The following PHF24 variants were observed in gnomAD, a reference collection of about 807,000 sequenced individuals.
The protein encoded by PHF24 is PHD finger protein 24.
A neutral mutation model predicts 42.6 loss-of-function variants in PHF24; 25 were observed. The observed-to-expected ratio is 0.59, with a 90% CI of 0.43 to 0.82. The LOEUF (loss-of-function observed/expected upper bound fraction) is 0.82, where lower values mean the gene tolerates loss of function less well. Ranked by LOEUF, PHF24 falls within the 40% of genes least tolerant of loss-of-function variation. The probability of loss-of-function intolerance (pLI) is 0.00; values close to 1 mark genes in which losing one functional copy is unlikely to be tolerated. For missense variants in PHF24, 470 were observed against 538.1 expected (o/e 0.87, Z 1.25); for synonymous variants, 185 against 204.8 (o/e 0.90, Z 0.83).
At chr9:34,911,952 C>T in the PHF24 span, among the ~76,000 whole-genome samples, 140,066 of 152,284 alleles carry the variant, frequency 0.92, 64,435 homozygotes, top group Middle Eastern at 0.95. Flanking sequence ...CAACCTGAGT[C>T]GGGGAACTAT....
the PHF24 span, among the ~76,000 whole-genome samples, chr9:34,931,809 A>T: frequency 1.3e-5 from 2 of 152,156 alleles, no homozygotes; most frequent in Non-Finnish European, 2.9e-5. Flanking sequence ...TCTTTATGGC[A>T]ATGTGAGAAT....
chr9:34,776,742 T>C, the PHF24 span, among the ~76,000 whole-genome samples: 1 of 152,268 alleles, frequency 6.6e-6, no homozygotes, highest in Non-Finnish European at 1.5e-5. Flanking sequence ...TTGAATTCCT[T>C]TGGAGGTGTA....
At chr9:34,744,693 G>A in the PHF24 span, among the ~76,000 whole-genome samples, 3 of 152,184 alleles carry the variant, frequency 2.0e-5, no homozygotes, top group Non-Finnish European at 4.4e-5. Context: ...ACATATGCTG[G>A]AAATTGTGCA....
chr9:34,976,949 G>A (rs112735645), intron 5 of PHF24, 134 bp from the exon 6 acceptor site: 15,245 of 1,067,266 alleles, frequency 0.014, 178 homozygotes, highest in Middle Eastern at 0.035. Flanking sequence ...CGCACTGGAA[G>A]TGCTGATGCC....
chr9:34,726,722 G>A, the PHF24 span: 1 of 1,551,690 alleles, frequency 6.4e-7, no homozygotes, highest in Non-Finnish European at 8.7e-7. Context: ...TGTTAATTGT[G>A]ACAGTGTTGG....
At chr9:34,709,493 T>C in the PHF24 span, 20 of 1,613,900 alleles carry the variant, frequency 1.2e-5, no homozygotes, top group Non-Finnish European at 1.7e-5. Context: ...TCCCTCAGAT[T>C]CCTCACCTCT....
At chr9:34,914,991 A>C in the PHF24 span, among the ~76,000 whole-genome samples, 1 of 118,882 alleles carries the variant, frequency 8.4e-6, no homozygotes, top group Non-Finnish European at 1.8e-5. Context: ...AGGTCTCACC[A>C]TATTGCCCAG....
chr9:34,956,498 T>C (rs1261845103), upstream of PHF24, among the ~76,000 whole-genome samples: 1 of 152,214 alleles, frequency 6.6e-6, no homozygotes, highest in Non-Finnish European at 1.5e-5. Flanking sequence ...GTGACTCACC[T>C]GCCTCGGCCT....
the PHF24 span, among the ~76,000 whole-genome samples, chr9:34,914,133 T>C: frequency 1.3e-5 from 2 of 152,336 alleles, no homozygotes; most frequent in African/African-American, 2.4e-5. Context: ...TTGTTGACAA[T>C]TTTTATTTAC....
At chr9:34,834,484 G>A in the PHF24 span, 1 of 1,551,808 alleles carries the variant, frequency 6.4e-7, no homozygotes, top group African/African-American at 1.4e-5. Flanking sequence ...TCTGAGGCAG[G>A]CCCCAGCGAT....
At chr9:34,975,010 G>A (rs893334747) in intron 3 of PHF24, among the ~76,000 whole-genome samples, 1 of 151,976 alleles carries the variant, frequency 6.6e-6, no homozygotes, top group Non-Finnish European at 1.5e-5. Flanking sequence ...TTTCTTGCCT[G>A]GACTGTTGCG....
At chr9:34,754,246 C>T in the PHF24 span, among the ~76,000 whole-genome samples, 1 of 152,144 alleles carries the variant, frequency 6.6e-6, no homozygotes, top group East Asian at 1.9e-4. Context: ...TGTTTACAAA[C>T]GATCTCTCTG....
chr9:34,675,757 T>C, the PHF24 span, among the ~76,000 whole-genome samples: 1 of 152,056 alleles, frequency 6.6e-6, no homozygotes, highest in African/African-American at 2.4e-5. Context: ...CTGAGCTTGC[T>C]TGGGAGAAGC....
At chr9:34,704,895 TGAG>T in the PHF24 span, among the ~76,000 whole-genome samples, 2 of 152,194 alleles carry the variant, frequency 1.3e-5, no homozygotes, top group African/African-American at 4.8e-5. Flanking sequence ...TGGATGACAC[TGAG>T]GAGGACTCAT....
At chr9:34,892,248 G>T in the PHF24 span, among the ~76,000 whole-genome samples, 1 of 152,184 alleles carries the variant, frequency 6.6e-6, no homozygotes, top group African/African-American at 2.4e-5. Context: ...TAATTTTTCT[G>T]CTCTGAGTCC....
the PHF24 span, chr9:34,917,165 A>G: frequency 7.5e-7 from 1 of 1,340,342 alleles, no homozygotes; most frequent in Non-Finnish European, 1.1e-6. Flanking sequence ...CACCCAGAAC[A>G]CCTTCCACCA....
At chr9:34,958,028 G>T (rs919984650), upstream of PHF24, among the ~76,000 whole-genome samples, 14 of 150,794 alleles carry the variant, frequency 9.3e-5, no homozygotes, top group African/African-American at 3.4e-4. The surrounding 1 kb of genome is among the most constrained non-coding windows in gnomAD (Gnocchi z 4.5). Context: ...GCCGTCCGCC[G>T]TCCTCCCGCA....
chr9:34,908,849 T>A, the PHF24 span, among the ~76,000 whole-genome samples: 1 of 147,496 alleles, frequency 6.8e-6, no homozygotes, highest in Non-Finnish European at 1.5e-5. Context: ...TTTCTTTTTT[T>A]TTTTTTTTCT....
At chr9:34,766,118 C>T in the PHF24 span, among the ~76,000 whole-genome samples, 1 of 152,174 alleles carries the variant, frequency 6.6e-6, no homozygotes, top group Non-Finnish European at 1.5e-5. Context: ...ACCTTTCTCT[C>T]TGGCTACCCT....
Sources: allele counts gnomAD v4.1 joint callset (sites outside exome capture counted in the v4.1 genomes callset), GRCh38; gene constraint gnomAD v4.1.1; non-coding constraint Gnocchi (gnomAD v3.1); transcripts MANE v1.5; gene names NCBI Gene and HGNC (gene_info 2026-07-23, HGNC 2026-07-21).